The following TLN2 variants were observed in gnomAD, a reference collection of about 807,000 sequenced individuals.
TLN2 encodes talin 2.
In TLN2, 118 loss-of-function variants were observed where a neutral mutation model predicts 294.7. The observed-to-expected ratio is 0.40, with a 90% CI of 0.34 to 0.47. TLN2 has a LOEUF of 0.47. TLN2 is among the 20% of genes least tolerant of loss of function. The probability of loss-of-function intolerance (pLI) is 0.84; values close to 1 mark genes in which losing one functional copy is unlikely to be tolerated. For missense variants in TLN2, 3,083 were observed against 3,282.2 expected (o/e 0.94, Z 1.48); for synonymous variants, 1,431 against 1,304.5 (o/e 1.10, Z -2.09).
chr15:62,602,351 T>G (rs1401324374), intron 2 of TLN2, among the ~76,000 whole-genome samples: 1 of 152,268 alleles, frequency 6.6e-6, no homozygotes, highest in Non-Finnish European at 1.5e-5. Flanking sequence ...ATATTTTGAA[T>G]AGGACTTCTC....
chr15:62,742,022 G>GTGTGTGTGT (rs766649173), intron 32 of TLN2, among the ~76,000 whole-genome samples: 1 of 100,218 alleles, frequency 1.0e-5, no homozygotes, highest in Non-Finnish European at 1.9e-5. Flanking sequence ...GGCTTGTAGT[G>GTGTGTGTGT]GGGTGTGTGT....
intron 2 of TLN2, among the ~76,000 whole-genome samples, chr15:62,604,150 A>G (rs8039982): frequency 6.6e-6 from 1 of 152,102 alleles, no homozygotes; most frequent in Non-Finnish European, 1.5e-5. Flanking sequence ...CTTTTGAGCC[A>G]TAGTTTGTCA....
Position 62,569,367 on chromosome 15 carries a change from C to A in TLN2, c.-237-20320C>A, listed in dbSNP as rs559465776. ...TGCTCTCATGGGAAGACCAAAGGGT[C>A]CCCTCTGGGCACCCAAGTGACAGAC... On this transcript the variant is annotated intron_variant, in intron 1 of 58. Coordinates refer to ENST00000636159, the MANE Select transcript of TLN2 (RefSeq NM_015059.3). Among the ~76,000 whole-genome samples the A allele has an allele frequency of 2.8e-4, 43 of 152,316 alleles. 1 individual carries two copies. The South Asian group carries it at 8.3e-3, about 29-fold the overall frequency.
chr15:62,772,797 G>T (rs1450981675), intron 42 of TLN2, among the ~76,000 whole-genome samples: 1 of 152,018 alleles, frequency 6.6e-6, no homozygotes, highest in African/African-American at 2.4e-5. Context: ...CGGGTAGCTG[G>T]TATTACAGGT....
intron 3 of TLN2, among the ~76,000 whole-genome samples, chr15:62,626,908 G>T (rs7182718): frequency 0.57 from 87,100 of 152,030 alleles, 25,254 homozygotes; most frequent in Middle Eastern, 0.73. Flanking sequence ...CTTGAGGAGT[G>T]TAGGGTTAGT....
intron 8 of TLN2, among the ~76,000 whole-genome samples, chr15:62,657,153 T>TC (rs1555459306): frequency 2.2e-5 from 3 of 139,494 alleles, no homozygotes; most frequent in Admixed American, 7.2e-5. Context: ...GCTGAAAAGG[T>TC]GGGGGGGGGA....
At chr15:62,710,497 T>A (rs2059353993) in intron 21 of TLN2, among the ~76,000 whole-genome samples, 1 of 152,214 alleles carries the variant, frequency 6.6e-6, no homozygotes, top group Non-Finnish European at 1.5e-5. Context: ...TGTTTGTTTG[T>A]TTTTGACAAT....
chr15:62,510,520 A>G (rs1219344512), intron 1 of TLN2, among the ~76,000 whole-genome samples: 2 of 152,228 alleles, frequency 1.3e-5, no homozygotes, highest in Non-Finnish European at 2.9e-5. Flanking sequence ...CACATAGTAA[A>G]ACATACTACT....
intron 1 of TLN2, among the ~76,000 whole-genome samples, chr15:62,468,052 T>A (rs1010490274): frequency 6.6e-6 from 1 of 152,186 alleles, no homozygotes; most frequent in East Asian, 1.9e-4. Flanking sequence ...TCCAGACCCT[T>A]AAGTTTTCCT....
intron 51 of TLN2, 78 bp downstream of exon 51, chr15:62,805,863 G>T: frequency 1.3e-6 from 2 of 1,491,860 alleles, no homozygotes; most frequent in Non-Finnish European, 9.0e-7. Flanking sequence ...TCTGAAAAAG[G>T]GGAGGGGCTC....
intron 1 of TLN2, among the ~76,000 whole-genome samples, chr15:62,455,492 TTTTG>T (rs1221674875): frequency 6.6e-6 from 1 of 152,016 alleles, no homozygotes; most frequent in African/African-American, 2.4e-5. Flanking sequence ...GGAGCAATGT[TTTTG>T]TTTGTTTTTT....
chr15:62,658,829 A>T (rs2053516171), intron 9 of TLN2, among the ~76,000 whole-genome samples: 1 of 152,094 alleles, frequency 6.6e-6, no homozygotes. Context: ...TTCTAGCCTC[A>T]CGGCTGGCCC....
rs1311758370 is a variant in TLN2 at position 62,664,862 on chromosome 15, A to AAAAAAAAG, written c.788+6971_788+6972insGAAAAAAA. Among the ~76,000 whole-genome samples the AAAAAAAAG allele has an allele frequency of 1.1e-3, 166 of 146,642 alleles. 8 individuals carry two copies. Among genetic ancestry groups the AAAAAAAAG allele is most frequent in the African/African-American group, 4.0e-3 (155 of 39,044 alleles). ...CAACAAGAGGGAAACTGTCTCAAAA[A>AAAAAAAAG]AAAAAAAAAAAAAAAAGTGGCTACC... On this transcript the variant is annotated intron_variant, in intron 9 of 58. Coordinates refer to ENST00000636159, the MANE Select transcript of TLN2 (RefSeq NM_015059.3).
intron 44 of TLN2, among the ~76,000 whole-genome samples, chr15:62,782,429 T>A (rs965621600): frequency 1.3e-5 from 2 of 152,216 alleles, no homozygotes; most frequent in Admixed American, 6.5e-5. Flanking sequence ...GGAAGCACAG[T>A]GCAGCAGCAG....
intron 46 of TLN2, among the ~76,000 whole-genome samples, chr15:62,793,495 A>T (rs1313747225): frequency 2.6e-5 from 4 of 152,224 alleles, no homozygotes; most frequent in Non-Finnish European, 5.9e-5. Context: ...TACTGTGCTG[A>T]TATGTGTAAA....
intron 36 of TLN2, 60 bp from the exon 37 acceptor site, chr15:62,755,472 G>T (rs934001079): frequency 1.3e-6 from 2 of 1,562,986 alleles, no homozygotes; most frequent in South Asian, 1.2e-5. Context: ...GCTGAGGACC[G>T]GGGTGGACCC....
At chr15:62,743,339 CAG>C (rs2061442672) in intron 32 of TLN2, among the ~76,000 whole-genome samples, 2 of 152,068 alleles carry the variant, frequency 1.3e-5, no homozygotes, top group African/African-American at 4.8e-5. Context: ...CCTGTGTTAA[CAG>C]TCTCAAACCC....
intron 20 of TLN2, 97 bp downstream of exon 20, chr15:62,707,350 A>G: frequency 2.9e-6 from 4 of 1,373,606 alleles, no homozygotes; most frequent in Middle Eastern, 1.9e-4. Flanking sequence ...ATTTGTTTAA[A>G]TAGTCCGAGA....
At chr15:62,614,777 C>T (rs2048178722) in intron 2 of TLN2, among the ~76,000 whole-genome samples, 1 of 152,174 alleles carries the variant, frequency 6.6e-6, no homozygotes. Flanking sequence ...TTTCTGATGA[C>T]TTCTCCACCA....
Sources: gnomAD v4.1 joint callset for allele counts (sites outside exome capture counted in the v4.1 genomes callset) on GRCh38, gnomAD v4.1.1 for gene constraint, MANE v1.5 for transcripts, NCBI Gene and HGNC (gene_info 2026-07-23, HGNC 2026-07-21) for gene names.